The following GATAD2A variants were observed in gnomAD, a reference collection of about 807,000 sequenced individuals.
GATAD2A encodes GATA zinc finger domain containing 2A, also known as transcriptional repressor p66-alpha.
A neutral mutation model predicts 68.5 loss-of-function variants in GATAD2A; 12 were observed. The observed-to-expected ratio is 0.18, with a 90% CI of 0.11 to 0.28. The LOEUF (loss-of-function observed/expected upper bound fraction) is 0.28, where lower values mean the gene tolerates loss of function less well. Ranked by LOEUF, GATAD2A falls within the 10% of genes least tolerant of loss-of-function variation. The pLI, the probability that GATAD2A is intolerant of heterozygous loss-of-function variation, is 1.00. For synonymous variants in GATAD2A, 410 were observed against 375.3 expected (o/e 1.09, Z -1.07); for missense variants, 755 against 868.5 (o/e 0.87, Z 1.64).
At chr19:19,491,447 C>G (rs899706303) in intron 2 of GATAD2A, among the ~76,000 whole-genome samples, 4 of 152,270 alleles carry the variant, frequency 2.6e-5, no homozygotes, top group Middle Eastern at 6.8e-3. Flanking sequence ...GGTGTGGGGG[C>G]TGGAATCATG....
chr19:19,479,693 T>C (rs1433407082), intron 2 of GATAD2A, among the ~76,000 whole-genome samples: 1 of 152,202 alleles, frequency 6.6e-6, no homozygotes, highest in Non-Finnish European at 1.5e-5. Context: ...AAGGTACTGC[T>C]GGTCTTGAAT....
intron 1 of GATAD2A, among the ~76,000 whole-genome samples, chr19:19,438,419 C>A (rs891794350): frequency 6.6e-6 from 1 of 152,218 alleles, no homozygotes. Context: ...GAGCTCACCC[C>A]CTTTGTTGAG....
chr19:19,436,349 C>T (rs2054340655), intron 1 of GATAD2A: 1 of 461,808 alleles, frequency 2.2e-6, no homozygotes, highest in Non-Finnish European at 4.3e-6. Context: ...GGGAGGCAGG[C>T]CCCCTGGGAT....
intron 1 of GATAD2A, among the ~76,000 whole-genome samples, chr19:19,456,198 A>G (rs2056914405): frequency 1.3e-5 from 2 of 151,722 alleles, no homozygotes; most frequent in South Asian, 2.1e-4. Flanking sequence ...CAACTCTTGC[A>G]TTAGGTGAAT....
chr19:19,403,426 TGCACC>T (rs2049939004), upstream of GATAD2A, among the ~76,000 whole-genome samples: 1 of 152,118 alleles, frequency 6.6e-6, no homozygotes, highest in African/African-American at 2.4e-5. Flanking sequence ...CTACATACCC[TGCACC>T]CCTCCTACTC....
rs778439126 is a variant in GATAD2A, at chr19:19,501,959, G to A, written c.1504-10G>A. On this transcript the variant is annotated splice_polypyrimidine_tract_variant and intron_variant, in intron 9 of 11. Transcript: ENST00000683918. The stretch of plus-strand genomic sequence containing the variant: ...CGCACTGACTTTGCTTTCAACCCCC[G>A]TTTGTGTAGGTCATAAAACCCCGGC... 20 of 1,612,816 alleles carry A rather than the reference G, an allele frequency of 1.2e-5. No individual in the cohort carries two copies. Among genetic ancestry groups the A allele is most frequent in the East Asian group, 2.2e-5 (1 of 44,870 alleles).
rs765752257 is a variant in GATAD2A, at chr19:19,505,350, C to T, written c.1781C>T (p.Thr594Ile). ...TCGCTCTGTTCTGTTGCAGGCGGGA[C>T]CCTTGCGTTTGTCAGCCCAAGCCTG... The part of the protein sequence containing the change: ...WKKTPLSTGG[T>I]LAFVSPSLAV... Residue 594 changes from threonine (T) to isoleucine (I), a missense_variant, in exon 12 of 12, where the codon ACC becomes ATC. Physicochemically the swap from Thr to Ile is moderately conservative, Grantham distance 89. Coordinates refer to ENST00000683918, the MANE Select transcript of GATAD2A (RefSeq NM_001384528.1). 1.2e-6 allele frequency: 2 copies of T among 1,613,340 alleles called. No individual in the cohort carries two copies. Among genetic ancestry groups the T allele is most frequent in the Non-Finnish European group, 1.7e-6 (2 of 1,179,756 alleles).
intron 1 of GATAD2A, among the ~76,000 whole-genome samples, chr19:19,422,571 G>T (rs2052549304): frequency 6.6e-6 from 1 of 152,210 alleles, no homozygotes. Flanking sequence ...GGTGAGGACA[G>T]TTGACAGTTC....
At chr19:19,474,113 A>C (rs2058506709) in intron 2 of GATAD2A, 6 of 985,248 alleles carry the variant, frequency 6.1e-6, no homozygotes, top group Non-Finnish European at 7.2e-6. Flanking sequence ...GCCAGCTGGA[A>C]AAAAGGTGTG....
chr19:19,412,677 G>T lies in GATAD2A; in HGVS notation c.-7+6658G>T, dbSNP rs2147136640. 1.3e-5 allele frequency among the ~76,000 whole-genome samples: 2 copies of T among 152,178 alleles called. 1 individual carries two copies. Among genetic ancestry groups the T allele is most frequent in the South Asian group, 4.2e-4 (2 of 4,804 alleles). ...TGATCAGATTATCTGGAAGGGATGT[G>T]AAAAACCCTGTGGCCCTAACTCTAC... On this transcript the variant is annotated intron_variant, in intron 1 of 11. Transcript: ENST00000683918.
At chr19:19,455,077 A>AGGCAT (rs2056803055) in intron 1 of GATAD2A, among the ~76,000 whole-genome samples, 3 of 152,160 alleles carry the variant, frequency 2.0e-5, no homozygotes, top group Admixed American at 1.3e-4. Flanking sequence ...GGGGTAAGCC[A>AGGCAT]GGCATGGTGG....
At chr19:19,470,741 G>A (rs2058239306) in intron 2 of GATAD2A, among the ~76,000 whole-genome samples, 1 of 149,244 alleles carries the variant, frequency 6.7e-6, no homozygotes, top group Non-Finnish European at 1.5e-5. Context: ...CTCCAGTATA[G>A]CTGTAAAAAA....
chr19:19,466,090 C>T (rs1169025471), intron 2 of GATAD2A, among the ~76,000 whole-genome samples: 1 of 152,198 alleles, frequency 6.6e-6, no homozygotes, highest in East Asian at 1.9e-4. Flanking sequence ...ACGGGATGCT[C>T]ACTCGACTCC....
intron 1 of GATAD2A, among the ~76,000 whole-genome samples, chr19:19,443,216 C>T (rs1230104789): frequency 2.6e-5 from 4 of 152,102 alleles, no homozygotes; most frequent in Non-Finnish European, 5.9e-5. Context: ...ACTGTAAGGT[C>T]CAGACAGTGA....
chr19:19,415,594 C>T (rs1445748800), intron 1 of GATAD2A, among the ~76,000 whole-genome samples: 1 of 150,890 alleles, frequency 6.6e-6, no homozygotes, highest in African/African-American at 2.4e-5. Context: ...CGATTACAGG[C>T]GTGCGCCACC....
chr19:19,471,806 A>G (rs571382058), intron 2 of GATAD2A, among the ~76,000 whole-genome samples: 7 of 152,052 alleles, frequency 4.6e-5, no homozygotes, highest in African/African-American at 1.7e-4. Context: ...TGGTTTTGTG[A>G]GGCCAATCCA....
chr19:19,465,024 T>C (rs957752327), intron 1 of GATAD2A: 14 of 436,860 alleles, frequency 3.2e-5, no homozygotes, highest in African/African-American at 2.8e-4. Flanking sequence ...CTTTCCTTGC[T>C]GATAAGCAGC....
In GATAD2A at chr19:19,406,658, T is replaced by A. The variant is rs149598567; in HGVS notation, c.-7+639T>A. On this transcript the variant is annotated intron_variant, in intron 1 of 11. Coordinates refer to ENST00000683918, the MANE Select transcript of GATAD2A (RefSeq NM_001384528.1). ...CTCCCCATCTAGGCGGTGGCTCCAT[T>A]GATTTCTTTTTTCCCACCTAGAGTG... 4.8e-3 allele frequency among the ~76,000 whole-genome samples: 730 copies of A among 152,278 alleles called. 6 individuals are homozygous for A. The highest frequency in any genetic ancestry group is 0.041 in the South Asian group (198 of 4,832).
At chr19:19,460,052 G>C (rs2057288217) in intron 1 of GATAD2A, among the ~76,000 whole-genome samples, 1 of 152,220 alleles carries the variant, frequency 6.6e-6, no homozygotes, top group African/African-American at 2.4e-5. Flanking sequence ...GCATGGGAAA[G>C]AAGTATGCTT....
Sources: allele counts gnomAD v4.1 joint callset (sites outside exome capture counted in the v4.1 genomes callset), GRCh38; gene constraint gnomAD v4.1.1; transcripts MANE v1.5; gene names NCBI Gene and HGNC (gene_info 2026-07-23, HGNC 2026-07-21).